Variants in MSRA observed in about 807,000 individuals in gnomAD.
MSRA encodes the protein mitochondrial peptide methionine sulfoxide reductase.
Under a neutral mutation model 31.3 loss-of-function variants are expected in MSRA, and 54 were observed. The ratio of observed to expected loss-of-function variants is 1.73; its 90% confidence interval spans 1.39 to 2.17. MSRA has a LOEUF of 2.17. Ranked by LOEUF, MSRA falls within the 30% of genes most tolerant of loss-of-function variation. MSRA has a pLI of 0.00. For synonymous variants in MSRA, 169 were observed against 116.5 expected (o/e 1.45, Z -2.90); for missense variants, 507 against 300.9 (o/e 1.69, Z -5.07).
chr8:10,242,187 C>G (rs146300048), intron 2 of MSRA, among the ~76,000 whole-genome samples: 1 of 151,788 alleles, frequency 6.6e-6, no homozygotes, highest in Non-Finnish European at 1.5e-5. Flanking sequence ...AGAAGAATTG[C>G]TTGAACCCGG....
intron 5 of MSRA, among the ~76,000 whole-genome samples, chr8:10,353,212 C>G (rs1371537396): frequency 3.9e-5 from 6 of 152,226 alleles, no homozygotes; most frequent in Non-Finnish European, 5.9e-5. Flanking sequence ...GCAGAACATT[C>G]TTGGGAGAAC....
chr8:10,143,526 C>T (rs746913010), intron 1 of MSRA, among the ~76,000 whole-genome samples: 16 of 152,108 alleles, frequency 1.1e-4, no homozygotes, highest in Admixed American at 9.2e-4. Context: ...TGGATTAAAT[C>T]GCAGTTCTCA....
rs990940875 is a variant in MSRA at position 10,322,301 on chromosome 8, G to A, written c.543+2312G>A. On this transcript the variant is annotated intron_variant, in intron 5 of 5. Transcript: ENST00000317173. Reference sequence around the variant, plus strand: ...TTAAAGAGAAGTAAGACTGGATGCAGGGAGATGAGTTGGGCAGCTATTATA... The same window carrying A: ...TTAAAGAGAAGTAAGACTGGATGCAAGGAGATGAGTTGGGCAGCTATTATA... 7.2e-5 allele frequency among the ~76,000 whole-genome samples: 11 copies of A among 152,092 alleles called. No homozygotes were observed. The South Asian group carries it at 2.1e-3, about 29-fold the overall frequency.
intron 1 of MSRA, among the ~76,000 whole-genome samples, chr8:10,172,406 C>T (rs900662206): frequency 1.3e-5 from 2 of 151,992 alleles, no homozygotes; most frequent in African/African-American, 4.8e-5. Context: ...GTCTCTGAAG[C>T]TTGAGCGGAA....
At chr8:10,375,862 C>T (rs989274386) in intron 5 of MSRA, among the ~76,000 whole-genome samples, 11 of 152,188 alleles carry the variant, frequency 7.2e-5, no homozygotes, top group Non-Finnish European at 1.3e-4. Context: ...AGAATTCCCC[C>T]GACCCGACTT....
chr8:10,252,287 C>G (rs1219160022), intron 3 of MSRA, among the ~76,000 whole-genome samples: 1 of 152,186 alleles, frequency 6.6e-6, no homozygotes, highest in Non-Finnish European at 1.5e-5. Context: ...TACACCCATT[C>G]TGCTCCTCTC....
intron 1 of MSRA, among the ~76,000 whole-genome samples, chr8:10,161,313 T>G (rs1027088625): frequency 3.3e-5 from 5 of 152,196 alleles, no homozygotes; most frequent in African/African-American, 9.7e-5. Flanking sequence ...CCTGGCTGTT[T>G]TTGCTGTTTC....
intron 1 of MSRA, among the ~76,000 whole-genome samples, chr8:10,072,778 CGTTTTGTAATTCTCAGT>C (rs1797805303): frequency 6.6e-6 from 1 of 152,160 alleles, no homozygotes; most frequent in African/African-American, 2.4e-5. Context: ...CTTTCATCAG[CGTTTTGTAATTCTCAGT>C]GTATAGATCT....
intron 3 of MSRA, among the ~76,000 whole-genome samples, chr8:10,271,267 G>A (rs1017359924): frequency 2.6e-5 from 4 of 152,080 alleles, no homozygotes; most frequent in Non-Finnish European, 5.9e-5. Context: ...TGCTTTCTGT[G>A]ATACCTACCA....
At position 10,311,517 on chromosome 8, in the gene MSRA, C is replaced by T. The variant is rs549485901; in HGVS notation, c.437-8366C>T. Among the ~76,000 whole-genome samples the T allele has an allele frequency of 2.1e-4, 32 of 152,250 alleles. 1 individual carries two copies. Among genetic ancestry groups the T allele is most frequent in the Admixed American group, 1.7e-3 (26 of 15,294 alleles). On this transcript the variant is annotated intron_variant, in intron 4 of 5. Transcript: ENST00000317173. ...AATCACACAAGGAACATATTCCAGG[C>T]CATAAAAGGCTCAGTATGTTTCAAA... is the stretch of plus-strand genomic sequence containing the variant.
intron 5 of MSRA, among the ~76,000 whole-genome samples, chr8:10,403,422 C>T (rs1329365008): frequency 6.6e-6 from 1 of 152,174 alleles, no homozygotes; most frequent in East Asian, 1.9e-4. Context: ...TGATGGGATC[C>T]CTTCTCCAGG....
At chr8:10,417,944 A>G (rs1227849260) in intron 5 of MSRA, among the ~76,000 whole-genome samples, 3 of 152,130 alleles carry the variant, frequency 2.0e-5, no homozygotes, top group Admixed American at 6.5e-5. Flanking sequence ...AAGTGAGTCT[A>G]GAATCCACAT....
chr8:10,112,338 A>G (rs1800350723), intron 1 of MSRA, among the ~76,000 whole-genome samples: 1 of 152,242 alleles, frequency 6.6e-6, no homozygotes, highest in Non-Finnish European at 1.5e-5. Flanking sequence ...CTTAAAAATA[A>G]AGAAATAAAA....
At chr8:10,283,867 A>ACACACACACACT (rs1232646521) in intron 3 of MSRA, among the ~76,000 whole-genome samples, 1 of 143,838 alleles carries the variant, frequency 7.0e-6, no homozygotes, top group African/African-American at 2.6e-5. Context: ...ACACACACAC[A>ACACACACACACT]CATATATATT....
chr8:10,227,854 GA>G (rs1426768001), intron 2 of MSRA, among the ~76,000 whole-genome samples: 1 of 152,218 alleles, frequency 6.6e-6, no homozygotes, highest in East Asian at 1.9e-4. Flanking sequence ...TTTCAATCAA[GA>G]GTAGGGATAA....
At chr8:10,367,575 C>T (rs536123369) in intron 5 of MSRA, among the ~76,000 whole-genome samples, 2 of 152,306 alleles carry the variant, frequency 1.3e-5, no homozygotes, top group African/African-American at 2.4e-5. Flanking sequence ...TCTCAGATCA[C>T]TTAATTCAGT....
At chr8:10,250,723 CA>C (rs1797872271) in intron 3 of MSRA, 1 of 497,056 alleles carries the variant, frequency 2.0e-6, no homozygotes, top group African/African-American at 1.9e-5. Context: ...GTATGGTCTG[CA>C]AAACCTAAAA....
chr8:10,277,292 TC>T (rs987638643), intron 3 of MSRA, among the ~76,000 whole-genome samples: 5 of 152,346 alleles, frequency 3.3e-5, no homozygotes, highest in Admixed American at 2.0e-4. Flanking sequence ...TTAAATCTGA[TC>T]TTCCTTCTTT....
chr8:10,123,909 G>T (rs774355973), intron 1 of MSRA, among the ~76,000 whole-genome samples: 1 of 151,540 alleles, frequency 6.6e-6, no homozygotes, highest in Non-Finnish European at 1.5e-5. Flanking sequence ...CTGTCACCCA[G>T]GCTAGAGTGC....
Sources: allele counts gnomAD v4.1 joint callset (sites outside exome capture counted in the v4.1 genomes callset), GRCh38; gene constraint gnomAD v4.1.1; transcripts MANE v1.5; gene names NCBI Gene and HGNC (gene_info 2026-07-23, HGNC 2026-07-21).